The following ATP8B1 variants were observed in gnomAD, a reference collection of about 807,000 sequenced individuals.
The protein encoded by ATP8B1 is phospholipid-transporting ATPase IC.
Under a neutral mutation model 149.9 loss-of-function variants are expected in ATP8B1, and 80 were observed. That is an observed-to-expected ratio of 0.53 (90% CI 0.45 to 0.64). The LOEUF is 0.64. ATP8B1 is among the 30% of genes least tolerant of loss of function. The pLI is 0.00. For missense variants in ATP8B1, 1,247 were observed against 1,552.6 expected (o/e 0.80, Z 3.31); for synonymous variants, 536 against 562.8 (o/e 0.95, Z 0.67).
intron 24 of ATP8B1, among the ~76,000 whole-genome samples, chr18:57,652,942 G>T (rs985017072): frequency 2.0e-5 from 3 of 152,152 alleles, no homozygotes; most frequent in Non-Finnish European, 4.4e-5. Flanking sequence ...TTAATTCAGA[G>T]AAGGGCTAGG....
At chr18:57,674,035 A>G (rs957966842) in intron 16 of ATP8B1, among the ~76,000 whole-genome samples, 1 of 152,020 alleles carries the variant, frequency 6.6e-6, no homozygotes, top group Non-Finnish European at 1.5e-5. Flanking sequence ...GACTGCTACA[A>G]ATGTCTACCT....
chr18:57,760,543 C>T (rs1326910997), intron 1 of ATP8B1, among the ~76,000 whole-genome samples: 1 of 152,176 alleles, frequency 6.6e-6, no homozygotes, highest in Non-Finnish European at 1.5e-5. Context: ...TCCACAAGAT[C>T]CAGCCCAAAA....
At chr18:57,694,196 G>C (rs1209537267) in intron 11 of ATP8B1, among the ~76,000 whole-genome samples, 3 of 152,098 alleles carry the variant, frequency 2.0e-5, no homozygotes, top group African/African-American at 7.2e-5. Flanking sequence ...GGGGTGCTGG[G>C]GGAGGCTTGC....
intron 1 of ATP8B1, among the ~76,000 whole-genome samples, chr18:57,778,488 C>A (rs908369131): frequency 6.6e-6 from 1 of 152,118 alleles, no homozygotes; most frequent in African/African-American, 2.4e-5. Context: ...CCTCGCCCTC[C>A]CAAAGTGCTG....
intron 1 of ATP8B1, among the ~76,000 whole-genome samples, chr18:57,762,139 ATAT>A (rs1235905568): frequency 1.8e-3 from 138 of 78,712 alleles, no homozygotes; most frequent in African/African-American, 8.0e-3. Context: ...ATATATATAT[ATAT>A]TTTTTTTTTC....
chr18:57,668,006 G>C, intron 19 of ATP8B1: 1 of 1,195,516 alleles, frequency 8.4e-7, no homozygotes, highest in South Asian at 1.4e-5. Context: ...CTTTCCTTAG[G>C]TATACAATTT....
At chr18:57,731,501 TAAG>T in intron 2 of ATP8B1, 123 bp downstream of exon 2, 1 of 1,117,738 alleles carries the variant, frequency 8.9e-7, no homozygotes, top group Non-Finnish European at 1.3e-6. Context: ...AGTCGCATCC[TAAG>T]AAGAGATCAG....
chr18:57,796,005 C>T (rs934956383), intron 1 of ATP8B1, among the ~76,000 whole-genome samples: 2 of 151,988 alleles, frequency 1.3e-5, no homozygotes, highest in Non-Finnish European at 2.9e-5. Context: ...CCTGTCTCTA[C>T]TAAAAATACA....
chr18:57,730,467 C>A (rs2079751215), intron 2 of ATP8B1, among the ~76,000 whole-genome samples: 1 of 152,162 alleles, frequency 6.6e-6, no homozygotes, highest in Non-Finnish European at 1.5e-5. Context: ...GAAATATTTT[C>A]AGCCTGATAT....
chr18:57,781,924 G>A (rs963275679), intron 1 of ATP8B1, among the ~76,000 whole-genome samples: 26 of 152,346 alleles, frequency 1.7e-4, no homozygotes, highest in Non-Finnish European at 3.7e-4. Context: ...GTTTAAAGCT[G>A]CAGTGAGCTG....
At chr18:57,735,967 G>GC (rs59140378) in intron 1 of ATP8B1, among the ~76,000 whole-genome samples, 31,581 of 133,178 alleles carry the variant, frequency 0.24, 2,746 homozygotes, top group African/African-American at 0.33. Context: ...CCCATTCCTT[G>GC]CCCCCCCCAC....
intron 1 of ATP8B1, among the ~76,000 whole-genome samples, chr18:57,793,231 G>A (rs141757309): frequency 2.2e-4 from 34 of 152,132 alleles, no homozygotes; most frequent in Non-Finnish European, 2.9e-4. Flanking sequence ...CCATCTGTTC[G>A]GAAGTCCTGT....
At chr18:57,650,567 G>A in intron 26 of ATP8B1, 70 bp from the exon 27 acceptor site, 1 of 1,564,016 alleles carries the variant, frequency 6.4e-7, no homozygotes, top group Non-Finnish European at 8.7e-7. Flanking sequence ...ATTTCGCCAG[G>A]TGTGGTGGCT....
At chr18:57,724,561 AC>A (rs1246426004) in intron 2 of ATP8B1, among the ~76,000 whole-genome samples, 7 of 152,048 alleles carry the variant, frequency 4.6e-5, no homozygotes, top group Admixed American at 4.6e-4. Context: ...ATACCATCTC[AC>A]ACCAGTTAGA....
intron 1 of ATP8B1, chr18:57,801,909 G>A (rs1221507029): frequency 6.6e-6 from 1 of 152,220 alleles, no homozygotes; most frequent in African/African-American, 2.4e-5. Flanking sequence ...AAGGGGGTCG[G>A]GTAGGGTTGA....
rs560548616 is a variant in ATP8B1 at position 57,796,122 on chromosome 18, C to T, written c.-26+6876G>A. Among the ~76,000 whole-genome samples the T allele has an allele frequency of 1.2e-4, 18 of 152,182 alleles. No individual in the cohort carries two copies. In the South Asian group the frequency reaches 2.9e-3, roughly 25 times the overall value. On this transcript the variant is annotated intron_variant, in intron 1 of 27. Coordinates refer to ENST00000648908, the MANE Select transcript of ATP8B1 (RefSeq NM_001374385.1). ...GGCAGAGGTTGCAGAGAGCTGAGAT[C>T]GCACCACTGCATTCCAGCCTGCATG...
intron 2 of ATP8B1, among the ~76,000 whole-genome samples, chr18:57,712,048 C>CATAT (rs10622264): frequency 0.12 from 17,064 of 144,130 alleles, 1,125 homozygotes; most frequent in Non-Finnish European, 0.15. Context: ...CCTCTATTGG[C>CATAT]ATATATATAT....
intron 2 of ATP8B1, among the ~76,000 whole-genome samples, chr18:57,721,964 C>T (rs1278480843): frequency 3.9e-5 from 5 of 129,756 alleles, no homozygotes; most frequent in African/African-American, 1.3e-4. Context: ...CGCTCAACTA[C>T]GTGGAAACTG....
At chr18:57,728,181 C>G (rs1473452534) in intron 2 of ATP8B1, among the ~76,000 whole-genome samples, 2 of 152,160 alleles carry the variant, frequency 1.3e-5, no homozygotes, top group Admixed American at 1.3e-4. Flanking sequence ...TGTGCTACAA[C>G]CCTCATTAAA....
Sources: gnomAD v4.1 joint callset for allele counts (sites outside exome capture counted in the v4.1 genomes callset) on GRCh38, gnomAD v4.1.1 for gene constraint, MANE v1.5 for transcripts, NCBI Gene and HGNC (gene_info 2026-07-23, HGNC 2026-07-21) for gene names.